FOXP2: variants seen among roughly 807,000 people sequenced by gnomAD.
The protein encoded by FOXP2 is forkhead box protein P2.
A neutral mutation model predicts 115.8 loss-of-function variants in FOXP2; 12 were observed. The observed-to-expected ratio is 0.10, with a 90% confidence interval of 0.07 to 0.17. The LOEUF is 0.17. Ranked by LOEUF, FOXP2 falls within the 10% of genes least tolerant of loss-of-function variation. FOXP2 has a pLI of 1.00. For synonymous variants in FOXP2, 328 were observed against 297.7 expected (o/e 1.10, Z -1.05); for missense variants, 629 against 843.5 (o/e 0.75, Z 3.15).
At chr7:114,294,407 G>A (rs955516012) in intron 2 of FOXP2, among the ~76,000 whole-genome samples, 2 of 152,032 alleles carry the variant, frequency 1.3e-5, no homozygotes, top group African/African-American at 4.8e-5. Context: ...AGAGTCACAC[G>A]GAAGTATCTA....
At chr7:114,128,665 T>C (rs1246267293) in intron 1 of FOXP2, among the ~76,000 whole-genome samples, 1 of 152,136 alleles carries the variant, frequency 6.6e-6, no homozygotes, top group South Asian at 2.1e-4. Flanking sequence ...TCTCTTATCT[T>C]TATGGTCCTG....
chr7:114,612,643 A>G (rs990511515), intron 3 of FOXP2, among the ~76,000 whole-genome samples: 25 of 152,170 alleles, frequency 1.6e-4, no homozygotes, highest in African/African-American at 6.0e-4. Flanking sequence ...GTGACAGAAT[A>G]CAGGGCTTGA....
chr7:114,113,985 G>T (rs1791340079), intron 1 of FOXP2, among the ~76,000 whole-genome samples: 1 of 152,066 alleles, frequency 6.6e-6, no homozygotes, highest in Admixed American at 6.6e-5. Flanking sequence ...TTTTATGTAT[G>T]CCTTGTTTCA....
At chr7:114,200,855 A>C (rs1794042578) in intron 1 of FOXP2, among the ~76,000 whole-genome samples, 1 of 152,232 alleles carries the variant, frequency 6.6e-6, no homozygotes, top group Non-Finnish European at 1.5e-5. Context: ...AGCATCTTTC[A>C]TAATTAAAAA....
intron 1 of FOXP2, among the ~76,000 whole-genome samples, chr7:114,100,445 G>A (rs1799753447): frequency 6.6e-6 from 1 of 152,084 alleles, no homozygotes; most frequent in Admixed American, 6.6e-5. Flanking sequence ...CATTGTTAAT[G>A]AAACTGAAAC....
At chr7:114,574,684 AG>A (rs1801487802) in intron 3 of FOXP2, among the ~76,000 whole-genome samples, 1 of 151,912 alleles carries the variant, frequency 6.6e-6, no homozygotes, top group Non-Finnish European at 1.5e-5. Context: ...TGTTGCCTAC[AG>A]GTTTTTACAC....
chr7:114,338,147 A>C (rs1357485876), intron 2 of FOXP2, among the ~76,000 whole-genome samples: 1 of 151,138 alleles, frequency 6.6e-6, no homozygotes, highest in Admixed American at 6.6e-5. Context: ...ATTTTCAATT[A>C]TGTGGAATTT....
intron 3 of FOXP2, among the ~76,000 whole-genome samples, chr7:114,538,170 G>A (rs1172559541): frequency 6.6e-6 from 1 of 151,310 alleles, no homozygotes; most frequent in Non-Finnish European, 1.5e-5. Flanking sequence ...ACACATAAAT[G>A]CCAACATGCA....
intron 3 of FOXP2, among the ~76,000 whole-genome samples, chr7:114,593,478 T>C (rs944017277): frequency 6.6e-6 from 1 of 152,088 alleles, no homozygotes; most frequent in African/African-American, 2.4e-5. Context: ...CACTGAAGAT[T>C]ATCTTCTTTT....
At chr7:114,570,934 C>A in intron 3 of FOXP2, 1 of 1,429,728 alleles carries the variant, frequency 7.0e-7, no homozygotes, top group Non-Finnish European at 9.9e-7. Flanking sequence ...AGGCCATGGA[C>A]CCAGTCCCAC....
chr7:114,105,673 T>G (rs1791092014), intron 1 of FOXP2, among the ~76,000 whole-genome samples: 1 of 152,072 alleles, frequency 6.6e-6, no homozygotes, highest in South Asian at 2.1e-4. Context: ...CATTATTCTC[T>G]GAGGTGAATT....
chr7:114,629,052 A>G (rs1236479709), intron 4 of FOXP2: 1 of 222,572 alleles, frequency 4.5e-6, no homozygotes, highest in Non-Finnish European at 9.1e-6. Flanking sequence ...TTTAGTTCAC[A>G]AAAGTATGAA....
At chr7:114,248,804 T>C (rs1482942378) in intron 1 of FOXP2, among the ~76,000 whole-genome samples, 1 of 152,206 alleles carries the variant, frequency 6.6e-6, no homozygotes, top group African/African-American at 2.4e-5. Context: ...ATGTTTTTAC[T>C]GTTTTTATCC....
chr7:114,189,739 C>A (rs1334793929), intron 1 of FOXP2, among the ~76,000 whole-genome samples: 1 of 152,112 alleles, frequency 6.6e-6, no homozygotes, highest in East Asian at 1.9e-4. Flanking sequence ...GAGAACGTGA[C>A]TGTTATTGAC....
At chr7:114,616,044 T>G (rs1490239788) in intron 3 of FOXP2, among the ~76,000 whole-genome samples, 6 of 152,242 alleles carry the variant, frequency 3.9e-5, no homozygotes, top group African/African-American at 1.4e-4. Flanking sequence ...ATTATTTCTC[T>G]TACATTAGAA....
intron 1 of FOXP2, among the ~76,000 whole-genome samples, chr7:114,212,066 T>C (rs1341047021): frequency 8.2e-6 from 1 of 122,328 alleles, no homozygotes; most frequent in Non-Finnish European, 1.8e-5. Context: ...CGAAACTCAG[T>C]TTCAAAAATA....
At chr7:114,350,375 T>TA (rs1791454487) in intron 2 of FOXP2, among the ~76,000 whole-genome samples, 1 of 152,176 alleles carries the variant, frequency 6.6e-6, no homozygotes, top group Non-Finnish European at 1.5e-5. Context: ...ATCTCTCACT[T>TA]ACGAGTGAGA....
chr7:114,390,721 AT>A (rs967708161), intron 2 of FOXP2, among the ~76,000 whole-genome samples: 54 of 148,446 alleles, frequency 3.6e-4, no homozygotes, highest in African/African-American at 9.3e-4. Context: ...CACCTAGCTG[AT>A]TTTTTTTTTT....
At chr7:114,443,575 C>A (rs557907466) in intron 2 of FOXP2, among the ~76,000 whole-genome samples, 9 of 152,226 alleles carry the variant, frequency 5.9e-5, no homozygotes, top group African/African-American at 1.9e-4. Flanking sequence ...TCAGCCTTCT[C>A]CCACCCTCTA....
Sources: allele counts gnomAD v4.1 joint callset (sites outside exome capture counted in the v4.1 genomes callset), GRCh38; gene constraint gnomAD v4.1.1; transcripts MANE v1.5; gene names NCBI Gene and HGNC (gene_info 2026-07-23, HGNC 2026-07-21).